Variants in WDR46 observed in about 807,000 individuals in gnomAD.
WDR46 encodes WD repeat domain 46.
In WDR46, 58 loss-of-function variants were observed where a neutral mutation model predicts 74.7. That is an observed-to-expected ratio of 0.78 (90% CI 0.63 to 0.97). The LOEUF (loss-of-function observed/expected upper bound fraction) is 0.97, where lower values mean the gene tolerates loss of function less well. Among genes scored for constraint, WDR46 ranks in the 50% least tolerant of loss-of-function variants. The pLI, the probability that WDR46 is intolerant of heterozygous loss-of-function variation, is 0.00. For missense variants in WDR46, 702 were observed against 790.1 expected (o/e 0.89, Z 1.34); for synonymous variants, 278 against 297.3 (o/e 0.93, Z 0.67).
At position 33,288,683 on chromosome 6, in the gene WDR46, T is replaced by C. The variant is rs763259277; in HGVS notation, c.291A>G (p.Pro97=). ...SQRGLSGTQD[P]FPGPAPVPVE... ...CAGGGACGGGGGCGGGGCCTGGGAA[T>C]GGATCTTGGGTCTAGGGGAAAGGAG... is the stretch of plus-strand genomic sequence containing the variant. The change falls in exon 3 of 15, where the codon CCA becomes CCG. Residue 97 remains proline, a synonymous_variant. Coordinates refer to ENST00000374617, the MANE Select transcript of WDR46 (RefSeq NM_005452.6). The C allele has an allele frequency of 6.2e-7, 1 of 1,613,320 alleles. No homozygotes were observed. The highest frequency in any genetic ancestry group is 8.5e-7 in the Non-Finnish European group (1 of 1,179,542).
At chr6:33,288,779 G>T in intron 2 of WDR46, 25 bp downstream of exon 2, 2 of 1,613,586 alleles carry the variant, frequency 1.2e-6, no homozygotes, top group African/African-American at 2.7e-5. Flanking sequence ...GGCCTGCCTC[G>T]CCACCCATCA....
chr6:33,286,852 G>C lies in WDR46; in HGVS notation c.1058C>G (p.Ala353Gly). The part of the protein sequence containing the change: ...LWSPAMKEPL[A>G]KILCHRGGVR... ...CCCACCACGATGACAGAGAATCTTT[G>C]CCAGTGGCTCCTTCATAGCTGGACT... The change falls in exon 10 of 15, where the codon GCA (alanine) becomes GGA (glycine). Residue 353 changes from alanine to glycine, a missense_variant. Transcript: ENST00000374617. The C allele has an allele frequency of 1.9e-6, 3 of 1,614,080 alleles. No individual in the cohort carries two copies. The highest frequency in any genetic ancestry group is 2.5e-6 in the Non-Finnish European group (3 of 1,180,036).
intron 10 of WDR46, among the ~76,000 whole-genome samples, chr6:33,283,003 G>A (rs924373521): frequency 2.6e-5 from 4 of 152,246 alleles, no homozygotes; most frequent in African/African-American, 9.6e-5. Context: ...AAGGTCAGGA[G>A]TTCAAGACCA....
In WDR46 at chr6:33,288,394, G is replaced by A; in HGVS notation, c.437C>T (p.Ala146Val). 3 of 1,614,200 alleles carry A rather than the reference G, an allele frequency of 1.9e-6. No individual in the cohort carries two copies. Among genetic ancestry groups the A allele is most frequent in the Non-Finnish European group, 2.5e-6 (3 of 1,180,040 alleles). ...AGCAAGCAGCAGCTCAGAACGAGCA[G>A]CTTTGATACTTGTTTCCTCTTCCTC... ...EAEEEETSIKAARSELLLAEE... is the reference protein window; with the variant it reads ...EAEEEETSIKVARSELLLAEE... The change falls in exon 4 of 15, where the codon GCT becomes GTT. Residue 146 changes from alanine to valine, a missense_variant. Physicochemically the swap from Ala to Val is moderately conservative, Grantham distance 64. Transcript: ENST00000374617.
chr6:33,282,621 G>C (rs957145872), intron 10 of WDR46, among the ~76,000 whole-genome samples: 1 of 152,196 alleles, frequency 6.6e-6, no homozygotes, highest in Non-Finnish European at 1.5e-5. Context: ...TGGAGCCCCC[G>C]TGGCCTGACA....
In WDR46 at chr6:33,286,824, G is replaced by C; in HGVS notation, c.1086C>G (p.Val362=). ...CTGTAGAATCTACTGCCACAGCCCGGACCCCACCACGATGACAGAGAATCT... is the reference window on the plus strand; with the variant it reads ...CTGTAGAATCTACTGCCACAGCCCGCACCCCACCACGATGACAGAGAATCT... ...LAKILCHRGG[V]RAVAVDSTGT... Residue 362 remains valine, a synonymous_variant, in exon 10 of 15, where the codon GTC becomes GTG. Transcript: ENST00000374617. 6.2e-7 allele frequency: 1 copy of C among 1,614,052 alleles called. No individual in the cohort carries two copies. Among genetic ancestry groups the C allele is most frequent in the Admixed American group, 1.7e-5 (1 of 59,992 alleles).
intron 10 of WDR46, among the ~76,000 whole-genome samples, chr6:33,283,691 G>A (rs1028436902): frequency 5.3e-5 from 8 of 151,960 alleles, no homozygotes; most frequent in African/African-American, 1.9e-4. Flanking sequence ...CCTGAGGTCA[G>A]GAGTTTGAGA....
chr6:33,288,295 T>G (rs1766882813), intron 4 of WDR46, 60 bp from the exon 5 acceptor site: 1 of 1,613,490 alleles, frequency 6.2e-7, no homozygotes. Flanking sequence ...TATACCAACA[T>G]AAAAACGAGA....
At chr6:33,285,519 TTTTG>T (rs1040194609) in intron 10 of WDR46, among the ~76,000 whole-genome samples, 25 of 152,064 alleles carry the variant, frequency 1.6e-4, no homozygotes, top group Admixed American at 9.8e-4. Context: ...TCATATTATG[TTTTG>T]TTTGTTTGTT....
chr6:33,285,545 C>T (rs747435648), intron 10 of WDR46, among the ~76,000 whole-genome samples: 4 of 152,170 alleles, frequency 2.6e-5, no homozygotes, highest in South Asian at 2.1e-4. Context: ...GTTTTTGAGA[C>T]GGAGTTTTGC....
At chr6:33,281,611 G>A (rs1562617398) in intron 10 of WDR46, among the ~76,000 whole-genome samples, 1 of 152,150 alleles carries the variant, frequency 6.6e-6, no homozygotes, top group Non-Finnish European at 1.5e-5. Context: ...TCAGACTGAG[G>A]ACCCACAGCT....
chr6:33,281,071 G>T (rs773563306), intron 10 of WDR46, 84 bp from the exon 11 acceptor site: 2 of 1,424,760 alleles, frequency 1.4e-6, no homozygotes, highest in Non-Finnish European at 1.9e-6. Flanking sequence ...ATCAAGTCTG[G>T]CTGGGGAGAA....
chr6:33,279,433 G>A, intron 14 of WDR46, 59 bp from the exon 15 acceptor site: 1 of 1,610,954 alleles, frequency 6.2e-7, no homozygotes, highest in Non-Finnish European at 8.5e-7. Flanking sequence ...GGCTGACAAG[G>A]GCAGAGGCAC....
intron 13 of WDR46, 64 bp downstream of exon 13, chr6:33,279,699 AG>A: frequency 6.2e-7 from 1 of 1,612,442 alleles, no homozygotes; most frequent in Non-Finnish European, 8.5e-7. Flanking sequence ...TCTGGGGACA[AG>A]CCATGGTGGG....
chr6:33,284,993 A>C (rs983847742), intron 10 of WDR46, among the ~76,000 whole-genome samples: 4 of 152,182 alleles, frequency 2.6e-5, no homozygotes, highest in African/African-American at 9.6e-5. Flanking sequence ...AGCACCTCAC[A>C]TATCACCTAT....
chr6:33,282,574 C>T lies in WDR46; in HGVS notation c.1116-1587G>A, dbSNP rs115082430. Among the ~76,000 whole-genome samples, 1,434 of 152,284 alleles carry T rather than the reference C, an allele frequency of 9.4e-3. 30 individuals are homozygous for T. The highest frequency in any genetic ancestry group is 0.032 in the African/African-American group (1,335 of 41,544). On this transcript the variant is annotated intron_variant, in intron 10 of 14. Transcript: ENST00000374617. The stretch of plus-strand genomic sequence containing the variant: ...GCAATCCAATCATAATACAAGCTAC[C>T]AGAACACCTCTTAAGAAAGATGGTC...
chr6:33,282,380 G>A (rs78728949), intron 10 of WDR46, among the ~76,000 whole-genome samples: 3 of 152,160 alleles, frequency 2.0e-5, no homozygotes, highest in African/African-American at 4.8e-5. Context: ...CCGAGCGCTC[G>A]TGGAACACAG....
intron 6 of WDR46, 39 bp from the exon 7 acceptor site, chr6:33,287,757 G>A: frequency 6.2e-7 from 1 of 1,607,758 alleles, no homozygotes; most frequent in South Asian, 1.1e-5. Flanking sequence ...TTAAGGCAGG[G>A]GACCACCGAC....
In WDR46 at chr6:33,288,045, A is replaced by T. The variant is rs761517360; in HGVS notation, c.562-19T>A. ...CAAAGTGCTGGGAAAGAGAAGAGTGAAAAAAAAGAGTGCCCTGCAGTAACG... is the reference window on the plus strand; with the variant it reads ...CAAAGTGCTGGGAAAGAGAAGAGTGTAAAAAAAGAGTGCCCTGCAGTAACG... On this transcript the variant is annotated intron_variant, in intron 5 of 14. Transcript: ENST00000374617. The T allele has an allele frequency of 3.1e-6, 5 of 1,612,974 alleles. No homozygotes were observed. In the East Asian group the frequency reaches 6.7e-5, roughly 22 times the overall value.
Sources: allele counts gnomAD v4.1 joint callset (sites outside exome capture counted in the v4.1 genomes callset), GRCh38; gene constraint gnomAD v4.1.1; transcripts MANE v1.5; gene names NCBI Gene and HGNC (gene_info 2026-07-23, HGNC 2026-07-21).